The following HERC4 variants were observed in gnomAD, a reference collection of about 807,000 sequenced individuals.
The protein encoded by HERC4 is probable E3 ubiquitin-protein ligase HERC4.
Under a neutral mutation model 124.3 loss-of-function variants are expected in HERC4, and 28 were observed. The observed-to-expected ratio is 0.23, with a 90% CI of 0.17 to 0.31. The LOEUF (loss-of-function observed/expected upper bound fraction) is 0.31. HERC4 is among the 10% of genes least tolerant of loss of function. The pLI is 1.00. For missense variants in HERC4, 713 were observed against 1,229.3 expected, an observed-to-expected ratio of 0.58 and a Z score of 6.28; for synonymous variants, 407 against 421.5, an observed-to-expected ratio of 0.97 and a Z score of 0.42.
chr10:67,950,114 C>CA (rs2033687055), intron 19 of HERC4, among the ~76,000 whole-genome samples: 1 of 151,948 alleles, frequency 6.6e-6, no homozygotes, highest in African/African-American at 2.4e-5. Flanking sequence ...AAATGCTGAA[C>CA]AAACTAGGGA....
At chr10:67,926,943 C>T (rs1457174071) in intron 23 of HERC4, among the ~76,000 whole-genome samples, 5 of 152,200 alleles carry the variant, frequency 3.3e-5, no homozygotes, top group African/African-American at 1.2e-4. Context: ...TCTCTTCAAT[C>T]TCTTGCATGG....
intron 9 of HERC4, chr10:68,007,843 C>T (rs1476351522): frequency 2.0e-5 from 3 of 153,058 alleles, no homozygotes; most frequent in Non-Finnish European, 2.9e-5. Context: ...GTTCACCCCT[C>T]CTTAGGCAAC....
At chr10:67,934,765 T>C (rs1181693588) in intron 22 of HERC4, among the ~76,000 whole-genome samples, 1 of 152,216 alleles carries the variant, frequency 6.6e-6, no homozygotes, top group East Asian at 1.9e-4. Context: ...TTACTGATTC[T>C]TAGGTCTGTG....
chr10:67,997,535 T>G (rs183005372), intron 9 of HERC4, among the ~76,000 whole-genome samples: 11 of 152,300 alleles, frequency 7.2e-5, no homozygotes, highest in African/African-American at 2.6e-4. Flanking sequence ...ACTTATTTGA[T>G]TTTTGCCTTC....
At chr10:67,968,970 A>G (rs1341593667) in intron 15 of HERC4, among the ~76,000 whole-genome samples, 2 of 152,198 alleles carry the variant, frequency 1.3e-5, no homozygotes, top group African/African-American at 2.4e-5. Flanking sequence ...ATAATTGTAC[A>G]TGAAATGTTC....
At chr10:68,039,805 T>C in intron 4 of HERC4, 2 of 1,105,722 alleles carry the variant, frequency 1.8e-6, no homozygotes, top group Non-Finnish European at 1.1e-6. Context: ...TTATGCATAC[T>C]AGGCAGATGA....
intron 16 of HERC4, chr10:67,965,273 ATAT>A (rs2034792480): frequency 6.6e-6 from 1 of 152,122 alleles, no homozygotes; most frequent in African/African-American, 2.4e-5. Flanking sequence ...TTAATAATAC[ATAT>A]TATTAGCTGG....
intron 9 of HERC4, among the ~76,000 whole-genome samples, chr10:68,001,601 A>C (rs1246173575): frequency 6.6e-6 from 1 of 152,164 alleles, no homozygotes; most frequent in Non-Finnish European, 1.5e-5. Flanking sequence ...TAAAATTTAC[A>C]ATTTTAACTG....
intron 9 of HERC4, chr10:67,996,083 A>G: frequency 2.3e-6 from 1 of 432,042 alleles, no homozygotes; most frequent in South Asian, 1.7e-5. Flanking sequence ...AGGTAGGAGG[A>G]TCACTTGAGC....
chr10:67,963,780 T>C (rs2132414234), intron 16 of HERC4, among the ~76,000 whole-genome samples: 1 of 152,330 alleles, frequency 6.6e-6, no homozygotes, highest in South Asian at 2.1e-4. Flanking sequence ...ACAAGGTTCA[T>C]TTCCTGAAGA....
chr10:68,013,654 A>G (rs1489300463), intron 9 of HERC4, among the ~76,000 whole-genome samples: 1 of 152,222 alleles, frequency 6.6e-6, no homozygotes, highest in African/African-American at 2.4e-5. Flanking sequence ...AGTTCTGGAG[A>G]TTGGTTACAT....
chr10:68,042,011 G>C (rs1227349902), intron 4 of HERC4, among the ~76,000 whole-genome samples: 1 of 151,976 alleles, frequency 6.6e-6, no homozygotes, highest in African/African-American at 2.4e-5. Context: ...TCACTTTTCT[G>C]ATTACTCTTT....
At chr10:67,928,682 G>A (rs907579075) in intron 23 of HERC4, among the ~76,000 whole-genome samples, 9 of 152,092 alleles carry the variant, frequency 5.9e-5, no homozygotes, top group Non-Finnish European at 8.8e-5. Flanking sequence ...CAGCACTTTG[G>A]GAGGCCGAGG....
intron 15 of HERC4, among the ~76,000 whole-genome samples, chr10:67,982,035 C>A (rs976147786): frequency 5.9e-5 from 9 of 152,026 alleles, no homozygotes; most frequent in Admixed American, 1.3e-4. Context: ...ATGTCCATAC[C>A]ACCTATAGCA....
chr10:67,937,036 T>C (rs2032425515), intron 21 of HERC4, among the ~76,000 whole-genome samples: 1 of 152,012 alleles, frequency 6.6e-6, no homozygotes, highest in South Asian at 2.1e-4. Context: ...CTAGAGGAAG[T>C]GTGAAAGAAC....
intron 3 of HERC4, among the ~76,000 whole-genome samples, chr10:68,061,772 T>C (rs1024827506): frequency 1.9e-4 from 28 of 147,888 alleles, no homozygotes; most frequent in African/African-American, 6.0e-4. Context: ...TCCCAGCTAC[T>C]TGAAAGGCTG....
intron 3 of HERC4, chr10:68,068,908 C>G (rs2041434101): frequency 3.3e-6 from 1 of 301,160 alleles, no homozygotes; most frequent in Non-Finnish European, 4.9e-6. Flanking sequence ...TGATACCTGC[C>G]TTAGCTACAT....
intron 16 of HERC4, chr10:67,959,186 G>A: frequency 6.6e-7 from 1 of 1,511,536 alleles, no homozygotes; most frequent in Non-Finnish European, 9.0e-7. Context: ...AGCAATATTA[G>A]TGTCCAAATT....
At chr10:67,966,044 A>G (rs1487098392) in intron 16 of HERC4, 1 of 152,292 alleles carries the variant, frequency 6.6e-6, no homozygotes, top group Non-Finnish European at 1.5e-5. Flanking sequence ...TAAACACATA[A>G]TCGGCTCACT....
Sources: allele counts gnomAD v4.1 joint callset (sites outside exome capture counted in the v4.1 genomes callset), GRCh38; gene constraint gnomAD v4.1.1; transcripts MANE v1.5; gene names NCBI Gene and HGNC (gene_info 2026-07-23, HGNC 2026-07-21).